The following NT5DC1 variants were observed in gnomAD, a reference collection of about 807,000 sequenced individuals.
NT5DC1 encodes the protein 5'-nucleotidase domain-containing protein 1.
A neutral mutation model predicts 59.4 loss-of-function variants in NT5DC1; 42 were observed. The observed-to-expected ratio is 0.71, with a 90% CI of 0.55 to 0.92. The LOEUF (loss-of-function observed/expected upper bound fraction) is 0.92, where lower values mean the gene tolerates loss of function less well. NT5DC1 is among the 40% of genes least tolerant of loss of function. The pLI is 0.00. For missense variants in NT5DC1, 501 were observed against 537.1 expected (o/e 0.93, Z 0.66); for synonymous variants, 172 against 188.1 (o/e 0.91, Z 0.70).
At chr6:116,184,776 T>C (rs113417787) in intron 6 of NT5DC1, among the ~76,000 whole-genome samples, 4,859 of 152,212 alleles carry the variant, frequency 0.032, 274 homozygotes, top group African/African-American at 0.11. Flanking sequence ...TCTTCTCTCT[T>C]CTTAGTTATT....
intron 6 of NT5DC1, among the ~76,000 whole-genome samples, chr6:116,216,370 A>G (rs1368020326): frequency 6.9e-6 from 1 of 145,812 alleles, no homozygotes; most frequent in Non-Finnish European, 1.5e-5. Context: ...CTGGTAGCAC[A>G]TTAGGACTAC....
chr6:116,210,144 TC>T (rs1781546303), intron 6 of NT5DC1, among the ~76,000 whole-genome samples: 1 of 152,060 alleles, frequency 6.6e-6, no homozygotes, highest in African/African-American at 2.4e-5. Flanking sequence ...GATACTTTTT[TC>T]CTCTGCAGAA....
chr6:116,211,591 T>C (rs1374792703), intron 6 of NT5DC1, among the ~76,000 whole-genome samples: 2 of 152,076 alleles, frequency 1.3e-5, no homozygotes, highest in Admixed American at 6.6e-5. Context: ...TCATTAGCCA[T>C]GCCAAATAAG....
intron 6 of NT5DC1, among the ~76,000 whole-genome samples, chr6:116,179,234 A>G (rs979451857): frequency 2.6e-5 from 4 of 152,172 alleles, no homozygotes; most frequent in African/African-American, 9.6e-5. Flanking sequence ...ATTTTTCACT[A>G]TTAATGTGAA....
chr6:116,112,251 G>A (rs1287922231), intron 4 of NT5DC1, among the ~76,000 whole-genome samples: 1 of 152,148 alleles, frequency 6.6e-6, no homozygotes, highest in Non-Finnish European at 1.5e-5. Context: ...CAGTGGTCAG[G>A]TTGTGACACA....
chr6:116,173,216 T>G (rs1043441196), intron 6 of NT5DC1, among the ~76,000 whole-genome samples: 1 of 152,196 alleles, frequency 6.6e-6, no homozygotes, highest in East Asian at 1.9e-4. Context: ...AAACTATAAC[T>G]GTGTCAGTGG....
rs73774224 is a variant in NT5DC1, at chr6:116,189,396, G to C, written c.530-31658G>C. Among the ~76,000 whole-genome samples, 862 of 151,720 alleles carry C rather than the reference G, an allele frequency of 5.7e-3. 17 individuals carry two copies. Among genetic ancestry groups the C allele is most frequent in the South Asian group, 0.046 (223 of 4,820 alleles). On this transcript the variant is annotated intron_variant, in intron 6 of 11. Coordinates refer to ENST00000319550, the MANE Select transcript of NT5DC1 (RefSeq NM_152729.3). ...ATATTTACATTTATTTTTTGTCTTC[G>C]TAGTCTTGACATTTTATTCTGATTT...
intron 2 of NT5DC1, among the ~76,000 whole-genome samples, chr6:116,107,825 G>C (rs1778795948): frequency 6.6e-6 from 1 of 152,068 alleles, no homozygotes; most frequent in Non-Finnish European, 1.5e-5. Context: ...GCCCGTCTCG[G>C]CCTCCCAAAG....
intron 8 of NT5DC1, among the ~76,000 whole-genome samples, chr6:116,231,180 G>A (rs1782013725): frequency 1.6e-5 from 2 of 122,008 alleles, no homozygotes; most frequent in Admixed American, 9.3e-5. Context: ...ATAAGAGTAA[G>A]AATCACACTT....
intron 8 of NT5DC1, among the ~76,000 whole-genome samples, chr6:116,231,148 T>C (rs868231937): frequency 2.1e-3 from 246 of 116,466 alleles, no homozygotes; most frequent in African/African-American, 3.9e-3. Flanking sequence ...GAATGGTAAA[T>C]CCCCCCCCCA....
intron 8 of NT5DC1, among the ~76,000 whole-genome samples, chr6:116,227,627 T>TA (rs2114548404): frequency 6.6e-6 from 1 of 152,046 alleles, no homozygotes; most frequent in Admixed American, 6.5e-5. Context: ...CTTTAACACT[T>TA]ATCTTTTGTC....
In NT5DC1 at chr6:116,217,216, G is replaced by C. The variant is rs573663386; in HGVS notation, c.530-3838G>C. 5.9e-5 allele frequency among the ~76,000 whole-genome samples: 9 copies of C among 152,232 alleles called. No individual in the cohort carries two copies. In the East Asian group the frequency reaches 1.5e-3, roughly 26 times the overall value. On this transcript the variant is annotated intron_variant, in intron 6 of 11. Coordinates refer to ENST00000319550, the MANE Select transcript of NT5DC1 (RefSeq NM_152729.3). ...ACGAGAGGTCCCTATATCCTGTTTG[G>C]TGTATTCAGGCCATTTGATGTGCAT...
Position 116,125,343 on chromosome 6 carries a change from A to T in NT5DC1, c.529+7398A>T, listed in dbSNP as rs142411445. 9,758 of 1,613,252 alleles carry T rather than the reference A, an allele frequency of 6.0e-3. 57 individuals carry two copies. Among genetic ancestry groups the T allele is most frequent in the Non-Finnish European group, 7.6e-3 (9,000 of 1,179,542 alleles). ...AAAATATACAATTCAATTTACCTTTACTCTTTATGGTGTAGGGAATGAAGA... is the reference window on the plus strand; with the variant it reads ...AAAATATACAATTCAATTTACCTTTTCTCTTTATGGTGTAGGGAATGAAGA... On this transcript the variant is annotated intron_variant, in intron 6 of 11. Coordinates refer to ENST00000319550, the MANE Select transcript of NT5DC1 (RefSeq NM_152729.3).
At chr6:116,102,549 A>G (rs868342344) in intron 1 of NT5DC1, among the ~76,000 whole-genome samples, 14 of 152,150 alleles carry the variant, frequency 9.2e-5, no homozygotes, top group Admixed American at 3.3e-4. Context: ...TGGAGGTAAT[A>G]TTGTTAAACC....
chr6:116,151,651 G>A (rs1780042094), intron 6 of NT5DC1, among the ~76,000 whole-genome samples: 2 of 152,030 alleles, frequency 1.3e-5, no homozygotes, highest in South Asian at 4.1e-4. Context: ...TGGATTTAGG[G>A]TTACATTTAT....
intron 6 of NT5DC1, among the ~76,000 whole-genome samples, chr6:116,187,006 A>G (rs1375693539): frequency 6.6e-6 from 1 of 152,030 alleles, no homozygotes; most frequent in Non-Finnish European, 1.5e-5. Flanking sequence ...GTCAGATGGT[A>G]GATCCGGGAC....
At chr6:116,209,646 A>G (rs554512764) in intron 6 of NT5DC1, among the ~76,000 whole-genome samples, 1 of 151,974 alleles carries the variant, frequency 6.6e-6, no homozygotes, top group African/African-American at 2.4e-5. Flanking sequence ...AGAGTATTCC[A>G]GGAAGGGAGA....
chr6:116,188,123 C>CTAA (rs1209496038), intron 6 of NT5DC1, among the ~76,000 whole-genome samples: 1 of 151,818 alleles, frequency 6.6e-6, no homozygotes, highest in Non-Finnish European at 1.5e-5. Context: ...CATGAGAGTG[C>CTAA]TAATTAAAGT....
intron 6 of NT5DC1, among the ~76,000 whole-genome samples, chr6:116,157,378 T>C (rs556670921): frequency 2.0e-5 from 3 of 152,314 alleles, no homozygotes; most frequent in African/African-American, 7.2e-5. Context: ...TTACAGTCTT[T>C]GGCCACTGCT....
Sources: gnomAD v4.1 joint callset for allele counts (sites outside exome capture counted in the v4.1 genomes callset) on GRCh38, gnomAD v4.1.1 for gene constraint, MANE v1.5 for transcripts, NCBI Gene and HGNC (gene_info 2026-07-23, HGNC 2026-07-21) for gene names.